Variants in BBS9 observed in about 807,000 individuals in gnomAD.
The protein encoded by BBS9 is protein PTHB1.
A neutral mutation model predicts 117.7 loss-of-function variants in BBS9; 89 were observed. The observed-to-expected ratio is 0.76, with a 90% CI of 0.64 to 0.90. BBS9 has a LOEUF of 0.90. Ranked by LOEUF, BBS9 falls within the 40% of genes least tolerant of loss-of-function variation. The pLI is 0.00. For synonymous variants in BBS9, 379 were observed against 370.9 expected (o/e 1.02, Z -0.25); for missense variants, 982 against 1,042.2 (o/e 0.94, Z 0.80).
intron 10 of BBS9, among the ~76,000 whole-genome samples, chr7:33,338,709 A>G (rs1277879815): frequency 6.6e-6 from 1 of 152,220 alleles, no homozygotes; most frequent in African/African-American, 2.4e-5. Context: ...TGTATGGCTC[A>G]TGGATTCTGA....
intron 9 of BBS9, among the ~76,000 whole-genome samples, chr7:33,308,588 G>A (rs1808517053): frequency 6.6e-6 from 1 of 152,126 alleles, no homozygotes; most frequent in South Asian, 2.1e-4. Context: ...ATCCATCACA[G>A]TTCTGTACCT....
chr7:33,371,637 T>C lies in BBS9; in HGVS notation c.1789+3775T>C, dbSNP rs1228789633. On this transcript the variant is annotated intron_variant, in intron 17 of 22. Transcript: ENST00000242067. ...GTTTGAGGAATAGGCCTTTGTAACT[T>C]CTCTGTAACAGGAGGGATCGTATGT... Among the ~76,000 whole-genome samples the C allele has an allele frequency of 2.0e-5, 3 of 152,106 alleles. No homozygotes were observed. The East Asian group carries it at 5.8e-4, about 29-fold the overall frequency.
chr7:33,198,047 A>C (rs1785220640), intron 5 of BBS9, among the ~76,000 whole-genome samples: 1 of 151,978 alleles, frequency 6.6e-6, no homozygotes, highest in Non-Finnish European at 1.5e-5. Flanking sequence ...GTTCACCTAT[A>C]TTATATTACT....
chr7:33,418,292 A>AGTGTGTTCCGGACATT (rs1832328176), intron 19 of BBS9, among the ~76,000 whole-genome samples: 1 of 152,168 alleles, frequency 6.6e-6, no homozygotes, highest in Non-Finnish European at 1.5e-5. Flanking sequence ...TTCCGGACAT[A>AGTGTGTTCCGGACATT]CAGTGTGACA....
intron 19 of BBS9, among the ~76,000 whole-genome samples, chr7:33,407,508 C>G (rs377397707): frequency 0.067 from 10,267 of 152,202 alleles, 358 homozygotes; most frequent in African/African-American, 0.079. Context: ...AGGAGAGGCG[C>G]TCTGCTTTTT....
chr7:33,562,485 C>T (rs180889270), intron 21 of BBS9, among the ~76,000 whole-genome samples: 3 of 152,268 alleles, frequency 2.0e-5, no homozygotes, highest in African/African-American at 7.2e-5. Context: ...CCTTCTTCCC[C>T]CAAATTTAAT....
chr7:33,236,035 A>G (rs1044034739), intron 5 of BBS9, among the ~76,000 whole-genome samples: 6 of 152,156 alleles, frequency 3.9e-5, no homozygotes, highest in African/African-American at 1.2e-4. Flanking sequence ...TTTATAAATT[A>G]GAGAATACAA....
At chr7:33,275,115 C>T (rs960573259) in intron 9 of BBS9, among the ~76,000 whole-genome samples, 7 of 151,268 alleles carry the variant, frequency 4.6e-5, no homozygotes, top group African/African-American at 1.7e-4. Flanking sequence ...TGTTGAAGCT[C>T]AACGAAGGGT....
At chr7:33,350,618 T>C (rs1818465962) in intron 13 of BBS9, among the ~76,000 whole-genome samples, 1 of 152,222 alleles carries the variant, frequency 6.6e-6, no homozygotes, top group Non-Finnish European at 1.5e-5. Flanking sequence ...GTGTACCGTT[T>C]TCTCTGTTCA....
intron 19 of BBS9, among the ~76,000 whole-genome samples, chr7:33,439,164 C>T (rs1835755055): frequency 6.6e-6 from 1 of 152,178 alleles, no homozygotes; most frequent in Non-Finnish European, 1.5e-5. Context: ...TTCCCTGGGC[C>T]AGCTGGGAAG....
intron 19 of BBS9, among the ~76,000 whole-genome samples, chr7:33,489,115 C>G (rs533888164): frequency 6.6e-6 from 1 of 151,470 alleles, no homozygotes; most frequent in Non-Finnish European, 1.5e-5. Flanking sequence ...GCCTCAGCCT[C>G]CCGAGTAGCT....
At chr7:33,378,130 C>T (rs1246589671) in intron 17 of BBS9, among the ~76,000 whole-genome samples, 1 of 152,166 alleles carries the variant, frequency 6.6e-6, no homozygotes, top group East Asian at 1.9e-4. Flanking sequence ...CCTTTCCCGA[C>T]CATAGCATCT....
At chr7:33,554,624 C>T (rs1453305989) in intron 21 of BBS9, among the ~76,000 whole-genome samples, 1 of 152,018 alleles carries the variant, frequency 6.6e-6, no homozygotes, top group Non-Finnish European at 1.5e-5. Context: ...AGGGCAGAAT[C>T]GAAGACTCAG....
rs1194568499 is a variant in BBS9, at chr7:33,257,315, T to C, written c.522T>C (p.Phe174=). 2 of 1,613,936 alleles carry C rather than the reference T, an allele frequency of 1.2e-6. No individual in the cohort carries two copies. The highest frequency in any genetic ancestry group is 3.3e-5 in the Admixed American group (2 of 60,018). The change falls in exon 6 of 23, where the codon TTT becomes TTC. Residue 174 remains phenylalanine, a synonymous_variant. Coordinates refer to ENST00000242067, the MANE Select transcript of BBS9 (RefSeq NM_198428.3). The stretch of plus-strand genomic sequence containing the variant: ...AGGAGAGCTATGCTTTTGGAAGATT[T>C]CTCCCTGGCTTTCTTCTGCCTGGTC... The part of the protein sequence containing the change: ...FEQESYAFGR[F]LPGFLLPGPL...
At chr7:33,155,191 G>A (rs1793922757) in intron 3 of BBS9, among the ~76,000 whole-genome samples, 1 of 152,202 alleles carries the variant, frequency 6.6e-6, no homozygotes, top group Admixed American at 6.5e-5. Context: ...GGTGTTTTGT[G>A]ATGTTTTAAC....
chr7:33,352,317 TAGA>T (rs1054138204), intron 14 of BBS9, among the ~76,000 whole-genome samples: 2 of 151,704 alleles, frequency 1.3e-5, no homozygotes, highest in African/African-American at 4.9e-5. Flanking sequence ...AGACAGAATT[TAGA>T]AGATTACTAA....
intron 20 of BBS9, among the ~76,000 whole-genome samples, chr7:33,523,261 G>A: frequency 6.9e-6 from 1 of 145,334 alleles, no homozygotes; most frequent in African/African-American, 2.6e-5. Context: ...GAACTTTAAA[G>A]TAGTTTTTTC....
intron 19 of BBS9, among the ~76,000 whole-genome samples, chr7:33,483,549 G>C (rs1842749016): frequency 6.6e-6 from 1 of 151,904 alleles, no homozygotes; most frequent in African/African-American, 2.4e-5. Context: ...TCATATCTAG[G>C]AAACATTTTG....
chr7:33,620,235 T>G (rs1345646617), intron 21 of BBS9, among the ~76,000 whole-genome samples: 1 of 151,880 alleles, frequency 6.6e-6, no homozygotes, highest in Non-Finnish European at 1.5e-5. Context: ...CCAGAGGAAA[T>G]GTACAAAGTC....
Sources: gnomAD v4.1 joint callset for allele counts (sites outside exome capture counted in the v4.1 genomes callset) on GRCh38, gnomAD v4.1.1 for gene constraint, MANE v1.5 for transcripts, NCBI Gene and HGNC (gene_info 2026-07-23, HGNC 2026-07-21) for gene names.